The following TNFAIP8L3 variants were observed in gnomAD, a reference collection of about 807,000 sequenced individuals.
TNFAIP8L3 encodes the protein tumor necrosis factor alpha-induced protein 8-like protein 3.
Under a neutral mutation model 11.8 loss-of-function variants are expected in TNFAIP8L3, and 7 were observed. The observed-to-expected ratio is 0.59, with a 90% CI of 0.34 to 1.11. TNFAIP8L3 has a LOEUF of 1.11. Among genes scored for constraint, TNFAIP8L3 ranks in the 50% most tolerant of loss-of-function variants. The pLI is 0.03. For synonymous variants in TNFAIP8L3, 98 were observed against 103.8 expected, an observed-to-expected ratio of 0.94 and a Z score of 0.34; for missense variants, 219 against 258.6, an observed-to-expected ratio of 0.85 and a Z score of 1.05.
chr15:51,059,358 T>C (rs939230259), intron 1 of TNFAIP8L3, among the ~76,000 whole-genome samples: 1 of 152,250 alleles, frequency 6.6e-6, no homozygotes, highest in Non-Finnish European at 1.5e-5. Context: ...TCAATAAGTA[T>C]AAATAAAAAT....
chr15:51,092,314 T>C (rs2065477299), intron 1 of TNFAIP8L3, among the ~76,000 whole-genome samples: 1 of 152,194 alleles, frequency 6.6e-6, no homozygotes, highest in Non-Finnish European at 1.5e-5. Context: ...TGGATGAATG[T>C]CAAGTTTCTT....
chr15:51,085,500 G>C (rs2065421305), intron 1 of TNFAIP8L3, among the ~76,000 whole-genome samples: 1 of 152,198 alleles, frequency 6.6e-6, no homozygotes, highest in Admixed American at 6.5e-5. Flanking sequence ...GCCCAGGATG[G>C]AGAAACCTAA....
upstream of TNFAIP8L3, among the ~76,000 whole-genome samples, chr15:51,095,653 G>GA (rs112523783): frequency 0.16 from 24,300 of 148,730 alleles, 2,093 homozygotes; most frequent in African/African-American, 0.19. Flanking sequence ...TTTATGAAAG[G>GA]AAAAAAAAAA....
chr15:51,071,117 T>C (rs2140969090), intron 1 of TNFAIP8L3, among the ~76,000 whole-genome samples: 1 of 124,728 alleles, frequency 8.0e-6, no homozygotes, highest in East Asian at 2.6e-4. Flanking sequence ...AACATATAAA[T>C]AGATAAAAAT....
Position 51,057,933 on chromosome 15 carries a change from A to T in TNFAIP8L3, c.563T>A (p.Leu188His). 1 of 1,603,534 alleles carries T rather than the reference A, an allele frequency of 6.2e-7. No homozygotes were observed. The highest frequency in any genetic ancestry group is 8.5e-7 in the Non-Finnish European group (1 of 1,176,414). The part of the protein sequence containing the change: ...YSLDGDCRPN[L>H]KRICEGINKL... ...ATTGATTCCTTCACAAATCCTCTTG[A>T]GGTTGGGCCTACAGTCTCCATCCAG... is the stretch of plus-strand genomic sequence containing the variant. Residue 188 changes from leucine (L) to histidine (H), a missense_variant, in exon 2 of 2, where the codon CTC becomes CAC. Leu to His is a moderately conservative substitution (Grantham distance 99). Coordinates refer to ENST00000637513, the MANE Select transcript of TNFAIP8L3 (RefSeq NM_001311175.2).
intron 1 of TNFAIP8L3, among the ~76,000 whole-genome samples, chr15:51,063,746 T>C (rs17703518): frequency 0.2 from 30,958 of 152,196 alleles, 3,627 homozygotes; most frequent in East Asian, 0.44. Flanking sequence ...GCAAGGAGGC[T>C]GGATATTGAC....
At chr15:51,075,711 G>A (rs762385515) in intron 1 of TNFAIP8L3, among the ~76,000 whole-genome samples, 3 of 152,224 alleles carry the variant, frequency 2.0e-5, no homozygotes, top group Non-Finnish European at 4.4e-5. Context: ...TTGGAATGCT[G>A]TAATTTTTGG....
upstream of TNFAIP8L3, among the ~76,000 whole-genome samples, chr15:51,096,292 A>G (rs1309751168): frequency 6.6e-6 from 1 of 152,150 alleles, no homozygotes; most frequent in Non-Finnish European, 1.5e-5. Flanking sequence ...TTTTCAGAAA[A>G]CAAAGGATGG....
At chr15:51,097,998 C>T (rs1305075894), upstream of TNFAIP8L3, among the ~76,000 whole-genome samples, 1 of 152,216 alleles carries the variant, frequency 6.6e-6, no homozygotes, top group Admixed American at 6.5e-5. Flanking sequence ...GTTTCCACTA[C>T]ATCTTTTCAG....
intron 1 of TNFAIP8L3, among the ~76,000 whole-genome samples, chr15:51,082,065 G>C (rs1167758079): frequency 5.4e-5 from 8 of 147,540 alleles, no homozygotes; most frequent in African/African-American, 1.3e-4. Context: ...TTTTTTTAAT[G>C]AGGGGACTTT....
At chr15:51,062,854 G>T (rs751163508) in intron 1 of TNFAIP8L3, among the ~76,000 whole-genome samples, 11 of 152,198 alleles carry the variant, frequency 7.2e-5, no homozygotes, top group Non-Finnish European at 1.2e-4. Context: ...GGAACCACTG[G>T]ATATGCTGCC....
chr15:51,058,951 T>G (rs975618805), intron 1 of TNFAIP8L3, among the ~76,000 whole-genome samples: 1 of 152,242 alleles, frequency 6.6e-6, no homozygotes, highest in Non-Finnish European at 1.5e-5. Context: ...TCATTGGGTC[T>G]AAGAGGTATT....
At chr15:51,081,363 C>A (rs2065390791) in intron 1 of TNFAIP8L3, among the ~76,000 whole-genome samples, 1 of 152,184 alleles carries the variant, frequency 6.6e-6, no homozygotes, top group East Asian at 1.9e-4. Flanking sequence ...GTTTTAGATT[C>A]TTTGAGCTTA....
chr15:51,081,872 A>T (rs779518847), intron 1 of TNFAIP8L3, among the ~76,000 whole-genome samples: 7 of 152,084 alleles, frequency 4.6e-5, no homozygotes, highest in Non-Finnish European at 8.8e-5. Flanking sequence ...CCTTTGTCCA[A>T]CAATTTGCTC....
At chr15:51,101,722 G>A (rs755624081) in intron 1 of TNFAIP8L3, among the ~76,000 whole-genome samples, 6 of 151,750 alleles carry the variant, frequency 4.0e-5, no homozygotes, top group Admixed American at 2.0e-4. Flanking sequence ...CAAGGTGGGC[G>A]GATCATGAGG....
intron 1 of TNFAIP8L3, among the ~76,000 whole-genome samples, chr15:51,084,507 A>C (rs1472236603): frequency 1.3e-5 from 2 of 152,238 alleles, no homozygotes; most frequent in Admixed American, 6.5e-5. Context: ...ATCTCTCTGC[A>C]TCTGTTTCTT....
rs1263526651 is a variant in TNFAIP8L3, at chr15:51,100,056, T to G, written c.172+4949A>C. ...CAGCCAACATGGGTTCCTTACCATG[T>G]CCTGCTAAAATAACCATGTTAACTT... On this transcript the variant is annotated intron_variant, in intron 1 of 2. Transcript: ENST00000327536. Among the ~76,000 whole-genome samples, 3 of 152,338 alleles carry G rather than the reference T, an allele frequency of 2.0e-5. No homozygotes were observed. In the East Asian group the frequency reaches 5.8e-4, roughly 29 times the overall value.
intron 1 of TNFAIP8L3, among the ~76,000 whole-genome samples, chr15:51,104,587 C>T (rs988610522): frequency 6.6e-6 from 1 of 152,178 alleles, no homozygotes; most frequent in African/African-American, 2.4e-5. Flanking sequence ...CTGATGAGTG[C>T]ACTCCTGGCC....
At chr15:51,086,557 A>T (rs975621250) in intron 1 of TNFAIP8L3, among the ~76,000 whole-genome samples, 1 of 152,160 alleles carries the variant, frequency 6.6e-6, no homozygotes, top group Non-Finnish European at 1.5e-5. Context: ...TACGTAGTCT[A>T]CCTGGTGCAA....
Sources: allele counts gnomAD v4.1 joint callset (sites outside exome capture counted in the v4.1 genomes callset), GRCh38; gene constraint gnomAD v4.1.1; transcripts MANE v1.5; gene names NCBI Gene and HGNC (gene_info 2026-07-23, HGNC 2026-07-21).